The following TRIM44 variants were observed in gnomAD, a reference collection of about 807,000 sequenced individuals.
TRIM44 encodes the protein tripartite motif containing 44.
A neutral mutation model predicts 37.4 loss-of-function variants in TRIM44; 13 were observed. That is an observed-to-expected ratio of 0.35 (90% CI 0.23 to 0.55). TRIM44 has a LOEUF of 0.55. TRIM44 is among the 20% of genes least tolerant of loss of function. The pLI, the probability that TRIM44 is intolerant of heterozygous loss-of-function variation, is 0.89. For synonymous variants in TRIM44, 175 were observed against 157.2 expected (o/e 1.11, Z -0.85); for missense variants, 426 against 437.2 (o/e 0.97, Z 0.23).
At chr11:35,711,283 G>T (rs1280252876) in intron 2 of TRIM44, among the ~76,000 whole-genome samples, 1 of 152,144 alleles carries the variant, frequency 6.6e-6, no homozygotes, top group Non-Finnish European at 1.5e-5. Context: ...TGTCAGCAGT[G>T]AATATTAATT....
intron 4 of TRIM44, among the ~76,000 whole-genome samples, chr11:35,771,662 T>G (rs1852872634): frequency 6.6e-6 from 1 of 151,564 alleles, no homozygotes; most frequent in Non-Finnish European, 1.5e-5. Context: ...GAGACAGAGG[T>G]TGCAGTGAGC....
intron 4 of TRIM44, among the ~76,000 whole-genome samples, chr11:35,775,192 G>T (rs1481516085): frequency 6.6e-6 from 1 of 152,282 alleles, no homozygotes; most frequent in South Asian, 2.1e-4. Flanking sequence ...CACATCCCTT[G>T]TAAGTTGGAT....
chr11:35,753,760 C>T (rs1256377940), intron 4 of TRIM44, among the ~76,000 whole-genome samples: 1 of 151,502 alleles, frequency 6.6e-6, no homozygotes, highest in Non-Finnish European at 1.5e-5. Context: ...GAGTCTCGCT[C>T]TGTCACTCAG....
intron 4 of TRIM44, among the ~76,000 whole-genome samples, chr11:35,738,138 T>C (rs1039476385): frequency 6.6e-6 from 1 of 152,166 alleles, no homozygotes; most frequent in Non-Finnish European, 1.5e-5. Flanking sequence ...GTGTGCAGAC[T>C]CCACAGGATA....
chr11:35,708,762 G>T (rs1468657085), intron 2 of TRIM44, among the ~76,000 whole-genome samples: 1 of 151,982 alleles, frequency 6.6e-6, no homozygotes, highest in African/African-American at 2.4e-5. Context: ...GGACTGTTGT[G>T]GGGTGTGGGG....
At chr11:35,760,202 C>T (rs1012043584) in intron 4 of TRIM44, among the ~76,000 whole-genome samples, 4 of 152,218 alleles carry the variant, frequency 2.6e-5, no homozygotes, top group African/African-American at 9.6e-5. Context: ...GCAGGTGCCC[C>T]TCCCCCAGCC....
chr11:35,789,543 AG>A (rs772048886), intron 4 of TRIM44, among the ~76,000 whole-genome samples: 1 of 152,200 alleles, frequency 6.6e-6, no homozygotes, highest in Non-Finnish European at 1.5e-5. Context: ...TTTTGCCCAG[AG>A]GGTACTCAGT....
chr11:35,792,111 A>ACACACACACACACACACACCCTCTCT (rs796092540), intron 4 of TRIM44, among the ~76,000 whole-genome samples: 1 of 114,298 alleles, frequency 8.7e-6, no homozygotes, highest in Non-Finnish European at 1.8e-5. Flanking sequence ...ACACACACAC[A>ACACACACACACACACACACCCTCTCT]CTCTCTCTCA....
chr11:35,793,379 G>A (rs1410408784), intron 4 of TRIM44, among the ~76,000 whole-genome samples: 4 of 151,956 alleles, frequency 2.6e-5, no homozygotes, highest in Non-Finnish European at 5.9e-5. Context: ...ACAAAAATTA[G>A]CCTGGCATGG....
intron 4 of TRIM44, among the ~76,000 whole-genome samples, chr11:35,755,560 T>G (rs1852625814): frequency 6.6e-6 from 1 of 152,222 alleles, no homozygotes; most frequent in Non-Finnish European, 1.5e-5. Context: ...TTTGGTGTTT[T>G]AGACATGAAG....
chr11:35,770,471 T>A (rs554803775), intron 4 of TRIM44, among the ~76,000 whole-genome samples: 5 of 152,336 alleles, frequency 3.3e-5, no homozygotes, highest in South Asian at 2.1e-4. Context: ...GCTCTTTAAC[T>A]GCTTTCCACA....
At chr11:35,680,107 T>A (rs1447539269) in intron 1 of TRIM44, among the ~76,000 whole-genome samples, 3 of 152,228 alleles carry the variant, frequency 2.0e-5, no homozygotes, top group African/African-American at 7.2e-5. Flanking sequence ...CTCTTGAATC[T>A]GCTGGTCCAT....
intron 3 of TRIM44, among the ~76,000 whole-genome samples, chr11:35,731,148 A>T (rs901597509): frequency 6.6e-6 from 1 of 152,190 alleles, no homozygotes; most frequent in Non-Finnish European, 1.5e-5. Flanking sequence ...AAATGGTAAA[A>T]GTGGACATCC....
chr11:35,806,463 T>C lies in TRIM44; in HGVS notation c.*78T>C. ...AGCGTGTATGTAACGGCTTCTGATT[T>C]CTGTGAAAGCTGCTCAGCAACAAAC... On this transcript the variant is annotated 3_prime_UTR_variant, in exon 5 of 5. Coordinates refer to ENST00000299413, the MANE Select transcript of TRIM44 (RefSeq NM_017583.6). 1 of 1,528,106 alleles carries C rather than the reference T, an allele frequency of 6.5e-7. No individual in the cohort carries two copies. Among genetic ancestry groups the C allele is most frequent in the Non-Finnish European group, 9.1e-7 (1 of 1,102,662 alleles). 94.7% of individuals were successfully genotyped at this position (1,528,106 alleles called of 1,614,324 possible). A position where few individuals can be genotyped will look rare whatever the true frequency, so the allele number is the denominator to read the frequency against.
chr11:35,744,302 T>C (rs1211299980), intron 4 of TRIM44, among the ~76,000 whole-genome samples: 1 of 152,160 alleles, frequency 6.6e-6, no homozygotes, highest in Non-Finnish European at 1.5e-5. Context: ...TGCTAAAAAA[T>C]TCATTATGTA....
At chr11:35,742,510 T>C (rs1281377908) in intron 4 of TRIM44, among the ~76,000 whole-genome samples, 1 of 130,118 alleles carries the variant, frequency 7.7e-6, no homozygotes, top group Non-Finnish European at 1.6e-5. Context: ...ATATTAAATA[T>C]AATTATATTA....
At chr11:35,681,671 A>T (rs1337560314) in intron 1 of TRIM44, among the ~76,000 whole-genome samples, 1 of 152,186 alleles carries the variant, frequency 6.6e-6, no homozygotes, top group African/African-American at 2.4e-5. Flanking sequence ...CAAGGTTAGA[A>T]TTAGGCTGTC....
At chr11:35,711,086 G>T (rs1851964883) in intron 2 of TRIM44, among the ~76,000 whole-genome samples, 1 of 152,088 alleles carries the variant, frequency 6.6e-6, no homozygotes, top group Non-Finnish European at 1.5e-5. Context: ...GTTTCTTTTG[G>T]GGGTGATGAA....
At chr11:35,702,298 G>A (rs1851798679) in intron 2 of TRIM44, among the ~76,000 whole-genome samples, 1 of 152,134 alleles carries the variant, frequency 6.6e-6, no homozygotes, top group African/African-American at 2.4e-5. Context: ...CCACGCTCCG[G>A]GAGGGCAGCG....
Sources: allele counts gnomAD v4.1 joint callset (sites outside exome capture counted in the v4.1 genomes callset), GRCh38; gene constraint gnomAD v4.1.1; transcripts MANE v1.5; gene names NCBI Gene and HGNC (gene_info 2026-07-23, HGNC 2026-07-21).